The following PACSIN1 variants were observed in gnomAD, a reference collection of about 807,000 sequenced individuals.
PACSIN1 encodes protein kinase C and casein kinase substrate in neurons 1, also known as protein kinase C and casein kinase substrate in neurons protein 1.
PACSIN1 carries 15 observed loss-of-function variants against 59.5 expected under a neutral mutation model. That is an observed-to-expected ratio of 0.25 (90% CI 0.17 to 0.39). The LOEUF is 0.39. PACSIN1 is among the 10% of genes least tolerant of loss of function. The pLI, the probability that PACSIN1 is intolerant of heterozygous loss-of-function variation, is 1.00. For synonymous variants in PACSIN1, 210 were observed against 220.6 expected (o/e 0.95, Z 0.42); for missense variants, 420 against 580.2 (o/e 0.72, Z 2.84).
chr6:34,479,072 G>T (rs1169754812), intron 1 of PACSIN1, among the ~76,000 whole-genome samples: 1 of 152,136 alleles, frequency 6.6e-6, no homozygotes, highest in Non-Finnish European at 1.5e-5. Context: ...CAGCAAGGTG[G>T]CATTAACCTA....
intron 1 of PACSIN1, among the ~76,000 whole-genome samples, chr6:34,471,564 G>A (rs1372983406): frequency 6.6e-6 from 1 of 152,144 alleles, no homozygotes; most frequent in Non-Finnish European, 1.5e-5. Flanking sequence ...TGGTGATCAA[G>A]GGTGGAATCA....
chr6:34,531,793 AC>A lies in PACSIN1; in HGVS notation c.1225+7del, dbSNP rs1478554688. 1.3e-6 allele frequency: 2 copies of A among 1,553,666 alleles called. No homozygotes were observed. Among genetic ancestry groups the A allele is most frequent in the Non-Finnish European group, 1.7e-6 (2 of 1,147,924 alleles). The stretch of plus-strand genomic sequence containing the variant: ...CGAGCTCAGCTTTAAGGCCGGTAGG[AC>A]GGCTGGGCGGGGCAGTGCCTGAGAG... On this transcript the variant is annotated splice_region_variant and intron_variant, in intron 9 of 9. Transcript: ENST00000244458. This position sits in a 1 kb window ranked among gnomAD's most constrained non-coding sequence, Gnocchi z 4.4.
chr6:34,476,005 C>A (rs1766634153), intron 1 of PACSIN1, among the ~76,000 whole-genome samples: 1 of 152,150 alleles, frequency 6.6e-6, no homozygotes. Flanking sequence ...AAGCATTCAT[C>A]CTTTTGAATG....
intron 1 of PACSIN1, among the ~76,000 whole-genome samples, chr6:34,483,663 G>A (rs1159006730): frequency 1.7e-5 from 1 of 57,786 alleles, no homozygotes; most frequent in Non-Finnish European, 3.1e-5. Context: ...TTTTTTTTTT[G>A]AGACAGAGCT....
rs1466739896 is a variant in PACSIN1 at position 34,532,389 on chromosome 6, C to T, written c.1226-32C>T. The stretch of plus-strand genomic sequence containing the variant: ...TGCGTTGAGGGAGGGGCAGCCTTCT[C>T]TCTGAGCCCCTCCCTGTGTTCTCTT... On this transcript the variant is annotated intron_variant, in intron 9 of 9. Coordinates refer to ENST00000244458, the MANE Select transcript of PACSIN1 (RefSeq NM_020804.5). This position sits in a 1 kb window ranked among gnomAD's most constrained non-coding sequence, Gnocchi z 5.2. The T allele has an allele frequency of 6.9e-7, 1 of 1,441,188 alleles. No homozygotes were observed. Among genetic ancestry groups the T allele is most frequent in the Admixed American group, 2.0e-5 (1 of 50,900 alleles). 89.3% of individuals were successfully genotyped at this position (1,441,188 alleles called of 1,614,324 possible).
At chr6:34,501,886 G>A (rs1767030072) in intron 1 of PACSIN1, among the ~76,000 whole-genome samples, 1 of 152,008 alleles carries the variant, frequency 6.6e-6, no homozygotes, top group Non-Finnish European at 1.5e-5. Context: ...AAAAAAATTA[G>A]CCAGGTGTGG....
chr6:34,490,277 G>A (rs575608387), intron 1 of PACSIN1, among the ~76,000 whole-genome samples: 1 of 130,228 alleles, frequency 7.7e-6, no homozygotes, highest in Admixed American at 8.8e-5. Flanking sequence ...ATGTTGCCCA[G>A]GCTGATCTTG....
chr6:34,477,916 CTTTT>C (rs67088426), intron 1 of PACSIN1, among the ~76,000 whole-genome samples: 6 of 113,214 alleles, frequency 5.3e-5, no homozygotes. Context: ...GCCTGGCCAT[CTTTT>C]TTTTTTTTTT....
chr6:34,486,979 C>T (rs1284667752), intron 1 of PACSIN1, among the ~76,000 whole-genome samples: 1 of 141,898 alleles, frequency 7.0e-6, no homozygotes, highest in Non-Finnish European at 1.5e-5. Context: ...CCAGCGTGGG[C>T]AACATGGCGA....
intron 1 of PACSIN1, among the ~76,000 whole-genome samples, chr6:34,524,398 C>T (rs1767448810): frequency 6.6e-6 from 1 of 152,192 alleles, no homozygotes; most frequent in Non-Finnish European, 1.5e-5. Flanking sequence ...AAAGGACCTA[C>T]AGAGAAAAGT....
In PACSIN1 at chr6:34,521,793, G is replaced by A. The variant is rs1394312344; in HGVS notation, c.-63-4450G>A. Among the ~76,000 whole-genome samples, 1 of 152,146 alleles carries A rather than the reference G, an allele frequency of 6.6e-6. No individual in the cohort carries two copies. The highest frequency in any genetic ancestry group is 1.5e-5 in the Non-Finnish European group (1 of 68,028). On this transcript the variant is annotated intron_variant, in intron 1 of 9. Transcript: ENST00000244458. The surrounding 1 kb of genome is among the most constrained non-coding windows in gnomAD (Gnocchi z 4.3). The stretch of plus-strand genomic sequence containing the variant: ...TGTCAGGCGCGGTCCAGTGGCCCGA[G>A]GTCTAGTGCTCCGTTTAATCCTTGC...
chr6:34,476,669 G>A (rs1469988076), intron 1 of PACSIN1, among the ~76,000 whole-genome samples: 2 of 152,170 alleles, frequency 1.3e-5, no homozygotes, highest in Non-Finnish European at 2.9e-5. Context: ...AGCTGGGTGG[G>A]CCTTTCTGCC....
chr6:34,514,674 G>C lies in PACSIN1; in HGVS notation c.-63-11569G>C, dbSNP rs1173185857. ...ACCAGCGTCTCTGTGGCCGTGAAGT[G>C]TATGCATGCGTGCCCATGTTGATGC... On this transcript the variant is annotated intron_variant, in intron 1 of 9. Coordinates refer to ENST00000244458, the MANE Select transcript of PACSIN1 (RefSeq NM_020804.5). The surrounding 1 kb of genome is among the most constrained non-coding windows in gnomAD (Gnocchi z 4.4). Among the ~76,000 whole-genome samples, 4 of 152,192 alleles carry C rather than the reference G, an allele frequency of 2.6e-5. No homozygotes were observed. In the East Asian group the frequency reaches 7.7e-4, roughly 29 times the overall value.
intron 1 of PACSIN1, among the ~76,000 whole-genome samples, chr6:34,493,704 C>T (rs1766909778): frequency 1.3e-5 from 2 of 152,300 alleles, no homozygotes; most frequent in South Asian, 2.1e-4. Flanking sequence ...TTGGACCACC[C>T]CCACTTGACT....
Position 34,495,481 on chromosome 6 carries a change from C to T in PACSIN1, c.-64+29211C>T, listed in dbSNP as rs368270335. ...TTTTTTTTTTTTTTCCAGACGGAGT[C>T]TCACTCTGTCACCCAGGCTAAAGTG... On this transcript the variant is annotated intron_variant, in intron 1 of 9. Coordinates refer to ENST00000244458, the MANE Select transcript of PACSIN1 (RefSeq NM_020804.5). Among the ~76,000 whole-genome samples the T allele has an allele frequency of 3.0e-3, 446 of 150,052 alleles. 2 individuals are homozygous for T. The highest frequency in any genetic ancestry group is 4.4e-3 in the Non-Finnish European group (299 of 67,714).
At chr6:34,527,277 C>G (rs527706594) in intron 2 of PACSIN1, 55 bp from the exon 3 acceptor site, 3 of 1,428,348 alleles carry the variant, frequency 2.1e-6, no homozygotes, top group South Asian at 1.4e-5. Flanking sequence ...ATGCGGCGGG[C>G]GGGGCTGGGG....
intron 1 of PACSIN1, among the ~76,000 whole-genome samples, chr6:34,503,987 T>G (rs111505309): frequency 2.0e-5 from 3 of 152,228 alleles, no homozygotes; most frequent in African/African-American, 4.8e-5. Flanking sequence ...TGTTTTTGAG[T>G]GTATCTTTTT....
chr6:34,504,246 A>ATGTGTGTGTGTGTG (rs372732742), intron 1 of PACSIN1, among the ~76,000 whole-genome samples: 1 of 107,824 alleles, frequency 9.3e-6, no homozygotes, highest in African/African-American at 3.7e-5. Flanking sequence ...AGACAATGTT[A>ATGTGTGTGTGTGTG]TGTGTGTGTG....
chr6:34,501,976 G>A (rs1370805490), intron 1 of PACSIN1, among the ~76,000 whole-genome samples: 1 of 146,408 alleles, frequency 6.8e-6, no homozygotes, highest in Non-Finnish European at 1.5e-5. Context: ...AGGTTGCAGT[G>A]AGCTGAGATC....
Sources: allele counts gnomAD v4.1 joint callset (sites outside exome capture counted in the v4.1 genomes callset), GRCh38; gene constraint gnomAD v4.1.1; non-coding constraint Gnocchi (gnomAD v3.1); transcripts MANE v1.5; gene names NCBI Gene and HGNC (gene_info 2026-07-23, HGNC 2026-07-21).